Variants in BCOR observed in about 807,000 individuals in gnomAD.
The protein encoded by BCOR is BCL-6 corepressor.
BCOR carries 10 observed loss-of-function variants against 86.7 expected under a neutral mutation model. The ratio of observed to expected loss-of-function variants is 0.12; its 90% CI spans 0.07 to 0.20. The LOEUF is 0.20. Ranked by LOEUF, BCOR falls within the 10% of genes least tolerant of loss-of-function variation. BCOR has a pLI of 1.00. For missense variants in BCOR, 1,259 were observed against 1,452.1 expected (o/e 0.87, Z 2.16); for synonymous variants, 611 against 609.0 (o/e 1.00, Z -0.05).
chrX:40,117,718 G>A (rs1346690666), intron 1 of BCOR, among the ~76,000 whole-genome samples: 1 of 110,802 alleles, frequency 9.0e-6, no homozygotes, highest in African/African-American at 3.3e-5. Flanking sequence ...GGGGACACTC[G>A]ATCCCCTTTC....
rs144577686 is a variant in BCOR at position 40,145,568 on chromosome X, C to T, written c.-41+31439G>A. Among the ~76,000 whole-genome samples the T allele has an allele frequency of 5.7e-3, 641 of 111,862 alleles. 4 individuals are homozygous for T. Among genetic ancestry groups the T allele is most frequent in the African/African-American group, 0.02 (612 of 30,797 alleles). On this transcript the variant is annotated intron_variant, in intron 1 of 14. Coordinates refer to the BCOR transcript ENST00000342274. ...CTAAGCCTGGAGGCTACCCCCTCCC[C>T]GCCCCAAACTCTCCGTGCTGCCTCC...
At chrX:40,100,222 G>T (rs149356005), upstream of BCOR, among the ~76,000 whole-genome samples, 215 of 112,835 alleles carry the variant, frequency 1.9e-3, no homozygotes, top group African/African-American at 6.7e-3. Context: ...AACCGGGAAG[G>T]CTGAAGCTGG....
At chrX:40,172,470 C>A (rs759318858) in intron 1 of BCOR, among the ~76,000 whole-genome samples, 1 of 113,579 alleles carries the variant, frequency 8.8e-6, no homozygotes, top group Admixed American at 9.2e-5. Flanking sequence ...ACACAACCGC[C>A]ACGGGCTTCC....
chrX:40,154,851 G>T (rs183806229), intron 1 of BCOR, among the ~76,000 whole-genome samples: 1 of 112,656 alleles, frequency 8.9e-6, no homozygotes, highest in African/African-American at 3.2e-5. Flanking sequence ...GGCGGAGACG[G>T]CCCTGTTATT....
At chrX:40,167,314 G>T (rs1938524743) in intron 1 of BCOR, among the ~76,000 whole-genome samples, 1 of 112,065 alleles carries the variant, frequency 8.9e-6, no homozygotes, top group South Asian at 3.7e-4. Context: ...CAACCATGCC[G>T]AATTAAGGGA....
chrX:40,111,161 G>A (rs1444613450), intron 1 of BCOR, among the ~76,000 whole-genome samples: 1 of 111,677 alleles, frequency 9.0e-6, no homozygotes, highest in Non-Finnish European at 1.9e-5. Context: ...ACTGTTTTAA[G>A]TCATCGTTTC....
intron 1 of BCOR, among the ~76,000 whole-genome samples, chrX:40,121,371 A>G (rs1937483660): frequency 1.8e-5 from 2 of 112,257 alleles, no homozygotes; most frequent in Non-Finnish European, 3.8e-5. Flanking sequence ...CCAAACAGTC[A>G]TCCAGACCAG....
At chrX:40,067,435 C>A (rs1397632240) in intron 6 of BCOR, among the ~76,000 whole-genome samples, 1 of 111,632 alleles carries the variant, frequency 9.0e-6, no homozygotes, top group Non-Finnish European at 1.9e-5. Flanking sequence ...ATAAGGGGTG[C>A]GAAACACACA....
chrX:40,099,643 G>A (rs927101745), upstream of BCOR, among the ~76,000 whole-genome samples: 1 of 112,404 alleles, frequency 8.9e-6, no homozygotes, highest in Non-Finnish European at 1.9e-5. Flanking sequence ...GCTCTAGCTA[G>A]CAGATATTTT....
intron 5 of BCOR, 108 bp downstream of exon 5, chrX:40,071,529 T>C: frequency 7.0e-6 from 4 of 572,947 alleles, no homozygotes; most frequent in Non-Finnish European, 2.9e-6. Flanking sequence ...AAATACACAA[T>C]GAATAAAGAC....
intron 1 of BCOR, among the ~76,000 whole-genome samples, chrX:40,087,729 C>T (rs976004960): frequency 1.8e-5 from 2 of 112,209 alleles, no homozygotes; most frequent in Admixed American, 9.4e-5. Context: ...ACTCCTCCCC[C>T]ACCTCCATCC....
intron 1 of BCOR, among the ~76,000 whole-genome samples, chrX:40,133,482 C>G (rs1322216094): frequency 2.5e-5 from 2 of 79,112 alleles, no homozygotes; most frequent in East Asian, 8.6e-4. Flanking sequence ...TTTTTGGAGA[C>G]GGAGTCTCGC....
At chrX:40,157,319 G>A (rs1210481496) in intron 1 of BCOR, among the ~76,000 whole-genome samples, 1 of 111,863 alleles carries the variant, frequency 8.9e-6, no homozygotes, top group African/African-American at 3.3e-5. Flanking sequence ...AGAGGATTAG[G>A]CCCAGTCTTG....
chrX:40,119,244 GTTTTTTTT>G lies in BCOR; in HGVS notation c.-40-41283_-40-41276del, dbSNP rs770429555. Among the ~76,000 whole-genome samples the G allele has an allele frequency of 1.1e-4, 10 of 92,045 alleles. 1 individual carries two copies. In the South Asian group the frequency reaches 2.5e-3, roughly 23 times the overall value. The allele number at this position is 92,045 out of a possible 115,157, so 79.9% of individuals were successfully genotyped here. A position where few individuals can be genotyped will look rare whatever the true frequency, so the allele number is the denominator to read the frequency against. The stretch of plus-strand genomic sequence containing the variant: ...TCCATTTACATCTAGTTTGGGTGTT[GTTTTTTTT>G]TTTTTTTTTGGTGGTGGTGCCGGTG... On this transcript the variant is annotated intron_variant, in intron 1 of 14. Coordinates refer to the BCOR transcript ENST00000342274.
chrX:40,057,205 G>T lies in BCOR; in HGVS notation c.4545C>A (p.His1515Gln), dbSNP rs750459436. The T allele has an allele frequency of 5.8e-6, 7 of 1,210,639 alleles. No individual in the cohort carries two copies. Among genetic ancestry groups the T allele is most frequent in the Non-Finnish European group, 7.8e-6 (7 of 895,385 alleles). The change falls in exon 11 of 15, where the codon CAC becomes CAA. Residue 1515 changes from histidine (H) to glutamine (Q), a missense_variant. This residue lies in a region of BCOR where 47 missense variants were observed against 102.1 expected (regional missense o/e 0.46). Transcript: ENST00000378444. ...TGACATCAGCGCCATATTCAAGGAGGTGTCGCACAATGTTGAGCCAGCCCC... is the reference window on the plus strand; with the variant it reads ...TGACATCAGCGCCATATTCAAGGAGTTGTCGCACAATGTTGAGCCAGCCCC... ...CARGWLNIVR[H>Q]LLEYGADVNC...
At chrX:40,065,016 G>A (rs1935130304) in intron 6 of BCOR, among the ~76,000 whole-genome samples, 3 of 112,527 alleles carry the variant, frequency 2.7e-5, no homozygotes, top group Admixed American at 1.9e-4. Flanking sequence ...TGAAATAAAT[G>A]GCAGGCTGAT....
At chrX:40,089,946 G>T (rs369957893) in intron 1 of BCOR, among the ~76,000 whole-genome samples, 1 of 112,072 alleles carries the variant, frequency 8.9e-6, no homozygotes, top group East Asian at 2.8e-4. Context: ...AAAAGCGCAA[G>T]CCGGGGGATA....
At chrX:40,159,905 G>GA (rs201593946) in intron 1 of BCOR, among the ~76,000 whole-genome samples, 1,311 of 109,966 alleles carry the variant, frequency 0.012, 29 homozygotes, top group African/African-American at 0.04. Context: ...TTAACTCCAG[G>GA]AAAAAAAAAT....
At chrX:40,052,539 C>G (rs1301244690) in intron 14 of BCOR, 139 bp from the exon 15 acceptor site, 6 of 455,412 alleles carry the variant, frequency 1.3e-5, no homozygotes, top group East Asian at 7.9e-5. Context: ...CTCACCATAC[C>G]TACTCTCTGA....
Sources: gnomAD v4.1 joint callset for allele counts (sites outside exome capture counted in the v4.1 genomes callset) on GRCh38, gnomAD v4.1.1 for gene constraint, gnomAD v4.1.1 regional missense constraint, MANE v1.5 for transcripts, NCBI Gene and HGNC (gene_info 2026-07-23, HGNC 2026-07-21) for gene names.